Variants in CACNA1C observed in about 807,000 individuals in gnomAD.
CACNA1C encodes the protein voltage-dependent L-type calcium channel subunit alpha-1C.
A neutral mutation model predicts 229.0 loss-of-function variants in CACNA1C; 30 were observed. The ratio of observed to expected loss-of-function variants is 0.13; its 90% CI spans 0.10 to 0.18. The LOEUF (loss-of-function observed/expected upper bound fraction) is 0.18. Ranked by LOEUF, CACNA1C falls within the 10% of genes least tolerant of loss-of-function variation. CACNA1C has a pLI of 1.00. For synonymous variants in CACNA1C, 1,114 were observed against 1,132.5 expected (o/e 0.98, Z 0.33); for missense variants, 1,658 against 2,845.0 (o/e 0.58, Z 9.49).
Position 2,001,769 on chromosome 12 carries a change from G to A in CACNA1C, c.139+30568G>A, listed in dbSNP as rs530748067. Among the ~76,000 whole-genome samples the A allele has an allele frequency of 2.6e-4, 40 of 152,258 alleles. No individual in the cohort carries two copies. In the South Asian group the frequency reaches 4.6e-3, roughly 17 times the overall value. On this transcript the variant is annotated intron_variant, in intron 1 of 46. Transcript: ENST00000682462. ...AAAAACTTAGAAAACCACTAGCTAG[G>A]AACACAACGTTAGTCACTTTAGGGC...
chr12:2,682,810 C>T lies in CACNA1C; in HGVS notation c.5573+132C>T, dbSNP rs1603457858. 2.3e-5 allele frequency: 15 copies of T among 664,878 alleles called. No individual in the cohort carries two copies. The East Asian group carries it at 5.5e-4, about 24-fold the overall frequency. 41.2% of individuals were successfully genotyped at this position (664,878 alleles called of 1,614,324 possible). On this transcript the variant is annotated intron_variant, in intron 43 of 46. Coordinates refer to ENST00000399655, the MANE Select transcript of CACNA1C (RefSeq NM_000719.7). The stretch of plus-strand genomic sequence containing the variant: ...GAGGAGATCACAGAGAAAACATCTG[C>T]ACCGCCTCTTTCATCTCCTCAGTGA...
At chr12:2,447,692 G>T (rs140417776) in intron 3 of CACNA1C, among the ~76,000 whole-genome samples, 1 of 152,330 alleles carries the variant, frequency 6.6e-6, no homozygotes, top group East Asian at 1.9e-4. Flanking sequence ...CCCTGCTCCC[G>T]ATGGCCCTGC....
At chr12:2,572,980 C>T (rs1353243803) in intron 13 of CACNA1C, among the ~76,000 whole-genome samples, 1 of 92,166 alleles carries the variant, frequency 1.1e-5, no homozygotes, top group Non-Finnish European at 2.2e-5. Flanking sequence ...CCTCCTCCTC[C>T]TGTCCTCTTC....
rs1185050641 is a variant in CACNA1C, at chr12:2,693,197, TC to T, written c.*2000del. 2 of 152,224 alleles carry T rather than the reference TC, an allele frequency of 1.3e-5. No individual in the cohort carries two copies. The highest frequency in any genetic ancestry group is 6.5e-5 in the Admixed American group (1 of 15,288). The allele number at this position is 152,224 out of a possible 1,614,324, so 9.4% of individuals were successfully genotyped here. A position where few individuals can be genotyped will look rare whatever the true frequency, so the allele number is the denominator to read the frequency against. On this transcript the variant is annotated 3_prime_UTR_variant, in exon 47 of 47. Coordinates refer to ENST00000399655, the MANE Select transcript of CACNA1C (RefSeq NM_000719.7). The stretch of plus-strand genomic sequence containing the variant: ...CTATTTTATTCCAGTCTTCACTCTG[TC>T]CACTCTGCTCTGGTCATCTGATTTG...
At chr12:2,161,136 T>C (rs2095834944) in intron 3 of CACNA1C, among the ~76,000 whole-genome samples, 1 of 152,212 alleles carries the variant, frequency 6.6e-6, no homozygotes. Flanking sequence ...GGTTATCCTT[T>C]GCTGAACAGA....
chr12:2,280,269 ATACCTT>A (rs1566851496), intron 3 of CACNA1C, among the ~76,000 whole-genome samples: 132 of 84,020 alleles, frequency 1.6e-3, no homozygotes, highest in South Asian at 3.3e-3. Flanking sequence ...TAACCTCTTG[ATACCTT>A]GCTGTGCTTC....
intron 7 of CACNA1C, among the ~76,000 whole-genome samples, chr12:2,494,447 C>T (rs774628019): frequency 3.3e-5 from 5 of 152,146 alleles, no homozygotes; most frequent in South Asian, 2.1e-4. Context: ...AGAATTTGGG[C>T]GAATAAAGCA....
chr12:2,147,699 A>G (rs540326636), intron 3 of CACNA1C, among the ~76,000 whole-genome samples: 2 of 150,542 alleles, frequency 1.3e-5, no homozygotes, highest in African/African-American at 4.8e-5. Flanking sequence ...ATTAATGAAA[A>G]TACGATGGTC....
chr12:2,606,692 C>G (rs1393784029), intron 25 of CACNA1C, 29 bp downstream of exon 25: 1 of 1,595,148 alleles, frequency 6.3e-7, no homozygotes, highest in East Asian at 2.3e-5. Flanking sequence ...GCAGCCAGGG[C>G]CACGGCCGGT....
At chr12:1,994,720 T>G (rs1257836083) in intron 1 of CACNA1C, among the ~76,000 whole-genome samples, 4 of 152,228 alleles carry the variant, frequency 2.6e-5, no homozygotes, top group Admixed American at 2.6e-4. Context: ...CATACAAGAA[T>G]GAGAATTTGA....
chr12:2,157,656 C>G (rs2095621636), intron 3 of CACNA1C, among the ~76,000 whole-genome samples: 1 of 152,216 alleles, frequency 6.6e-6, no homozygotes, highest in Non-Finnish European at 1.5e-5. Context: ...CCTAGTGCAT[C>G]ATAAGCCACA....
At chr12:2,379,195 A>G (rs960871844) in intron 3 of CACNA1C, among the ~76,000 whole-genome samples, 1 of 152,224 alleles carries the variant, frequency 6.6e-6, no homozygotes, top group African/African-American at 2.4e-5. Context: ...CTGCAGAGGC[A>G]CTTGTACTGT....
intron 27 of CACNA1C, among the ~76,000 whole-genome samples, chr12:2,610,150 G>A (rs1271663892): frequency 6.6e-6 from 1 of 152,076 alleles, no homozygotes; most frequent in Non-Finnish European, 1.5e-5. Flanking sequence ...ACCCAAGGAG[G>A]GTCTGTGGCA....
intron 1 of CACNA1C, among the ~76,000 whole-genome samples, chr12:2,096,685 G>C (rs145258978): frequency 1.3e-5 from 2 of 152,180 alleles, no homozygotes; most frequent in Non-Finnish European, 2.9e-5. Flanking sequence ...AGCACTATCT[G>C]TCTCTAGAAC....
intron 3 of CACNA1C, among the ~76,000 whole-genome samples, chr12:2,361,475 C>G (rs1377133653): frequency 1.3e-5 from 2 of 151,400 alleles, no homozygotes; most frequent in Non-Finnish European, 3.0e-5. Flanking sequence ...TCCTTTTTTC[C>G]TTTCTCCCTT....
At chr12:2,051,931 CAGGGA>C (rs1389426217), upstream of CACNA1C, among the ~76,000 whole-genome samples, 1 of 152,150 alleles carries the variant, frequency 6.6e-6, no homozygotes, top group Non-Finnish European at 1.5e-5. Flanking sequence ...TAGGGTCACC[CAGGGA>C]ATGAGGGTGG....
intron 3 of CACNA1C, among the ~76,000 whole-genome samples, chr12:2,430,680 T>C (rs999403108): frequency 6.6e-6 from 1 of 152,152 alleles, no homozygotes; most frequent in Non-Finnish European, 1.5e-5. Flanking sequence ...CTGGTCTCTG[T>C]TCTTCAGATG....
intron 3 of CACNA1C, among the ~76,000 whole-genome samples, chr12:2,379,534 T>G (rs1020647604): frequency 6.6e-6 from 1 of 152,082 alleles, no homozygotes; most frequent in Non-Finnish European, 1.5e-5. Flanking sequence ...AACAGCTTTT[T>G]CTTGGTCTGC....
intron 3 of CACNA1C, among the ~76,000 whole-genome samples, chr12:2,273,237 C>T (rs114180286): frequency 0.012 from 1,871 of 152,268 alleles, 37 homozygotes; most frequent in African/African-American, 0.042. Context: ...CTACCTAATA[C>T]GGTGTAAGTG....
Sources: gnomAD v4.1 joint callset for allele counts (sites outside exome capture counted in the v4.1 genomes callset) on GRCh38, gnomAD v4.1.1 for gene constraint, MANE v1.5 for transcripts, NCBI Gene and HGNC (gene_info 2026-07-23, HGNC 2026-07-21) for gene names.